The following CNOT2 variants were observed in gnomAD, a reference collection of about 807,000 sequenced individuals.
The protein encoded by CNOT2 is CC chemokine receptor 4-negative regulator of transcription 2.
Under a neutral mutation model 72.1 loss-of-function variants are expected in CNOT2, and 7 were observed. The observed-to-expected ratio is 0.10, with a 90% CI of 0.06 to 0.18. The LOEUF (loss-of-function observed/expected upper bound fraction) is 0.18. Ranked by LOEUF, CNOT2 falls within the 10% of genes least tolerant of loss-of-function variation. CNOT2 has a pLI of 1.00. For missense variants in CNOT2, 345 were observed against 660.3 expected (o/e 0.52, Z 5.23); for synonymous variants, 196 against 225.6 (o/e 0.87, Z 1.17).
Position 70,310,914 on chromosome 12 carries a change from G to C in CNOT2, c.68G>C (p.Gly23Ala), listed in dbSNP as rs1431971865. ...RNYQVTNSMFGASRKKFVEGV... is the reference protein window; with the variant it reads ...RNYQVTNSMFAASRKKFVEGV... Reference sequence around the variant, plus strand: ...GTTTAGGTGACAAACAGCATGTTTGGTGCTTCAAGAAAGAAGTTTGTAGAG... The same window carrying C: ...GTTTAGGTGACAAACAGCATGTTTGCTGCTTCAAGAAAGAAGTTTGTAGAG... Residue 23 changes from glycine to alanine, a missense_variant, in exon 3 of 16, where the codon GGT becomes GCT. Around this residue, in one of 4 missense-constraint regions of CNOT2, gnomAD observed 157 missense variants for 235.3 expected, o/e 0.67. Transcript: ENST00000229195. 1 of 1,611,568 alleles carries C rather than the reference G, an allele frequency of 6.2e-7. No individual in the cohort carries two copies. Among genetic ancestry groups the C allele is most frequent in the Non-Finnish European group, 8.5e-7 (1 of 1,178,374 alleles).
At chr12:70,268,875 T>C (rs76023629) in intron 1 of CNOT2, among the ~76,000 whole-genome samples, 3,732 of 152,268 alleles carry the variant, frequency 0.025, 159 homozygotes, top group African/African-American at 0.085. Flanking sequence ...TTGGAATGTT[T>C]ATACATGTCC....
intron 1 of CNOT2, among the ~76,000 whole-genome samples, chr12:70,276,554 T>C (rs1868843529): frequency 6.6e-6 from 1 of 151,978 alleles, no homozygotes; most frequent in Non-Finnish European, 1.5e-5. Context: ...CTTGCTTTCT[T>C]TTTGTGACAA....
intron 3 of CNOT2, among the ~76,000 whole-genome samples, chr12:70,313,421 G>A (rs1183656745): frequency 2.6e-5 from 4 of 151,724 alleles, no homozygotes; most frequent in South Asian, 2.1e-4. Flanking sequence ...TTCTGTTTTC[G>A]AGATCATACT....
At chr12:70,254,319 G>A (rs1322851786) in intron 1 of CNOT2, among the ~76,000 whole-genome samples, 1 of 151,736 alleles carries the variant, frequency 6.6e-6, no homozygotes, top group Non-Finnish European at 1.5e-5. Context: ...CTCTTGTACT[G>A]TACTTCTTGT....
chr12:70,328,173 T>C (rs1352679851), intron 4 of CNOT2, among the ~76,000 whole-genome samples: 5 of 151,918 alleles, frequency 3.3e-5, no homozygotes. Flanking sequence ...ATTGATTGGA[T>C]TAAAATTCAT....
intron 2 of CNOT2, among the ~76,000 whole-genome samples, chr12:70,286,155 C>A (rs78690506): frequency 0.21 from 28,565 of 139,044 alleles, 4,398 homozygotes; most frequent in Admixed American, 0.31. Flanking sequence ...AACTTTATGA[C>A]GTTAGAGAAG....
intron 8 of CNOT2, chr12:70,337,150 G>A (rs1296185252): frequency 2.8e-5 from 8 of 287,852 alleles, no homozygotes; most frequent in East Asian, 1.8e-4. Flanking sequence ...AAGCACCTAC[G>A]CATGACATGG....
At chr12:70,273,515 A>G (rs1035330873) in intron 1 of CNOT2, among the ~76,000 whole-genome samples, 4 of 152,134 alleles carry the variant, frequency 2.6e-5, no homozygotes, top group African/African-American at 9.7e-5. Context: ...CACAGAAGCT[A>G]AGCAACTTGT....
At chr12:70,332,658 G>A (rs950211886) in intron 6 of CNOT2, 109 bp from the exon 7 acceptor site, 2 of 1,328,654 alleles carry the variant, frequency 1.5e-6, no homozygotes, top group Non-Finnish European at 1.9e-6. Context: ...TGTTGGTTTT[G>A]AAACATATTG....
At chr12:70,313,955 A>T (rs905193200) in intron 3 of CNOT2, among the ~76,000 whole-genome samples, 1 of 152,132 alleles carries the variant, frequency 6.6e-6, no homozygotes, top group Non-Finnish European at 1.5e-5. Context: ...ACTACAACAT[A>T]ATTGAATTGC....
At chr12:70,294,054 T>G (rs1218619424) in intron 2 of CNOT2, 1 of 1,178,080 alleles carries the variant, frequency 8.5e-7, no homozygotes, top group Admixed American at 2.3e-5. Flanking sequence ...ATAGCATGAT[T>G]TCCTTATTTT....
At chr12:70,322,939 G>A (rs1454882777) in intron 4 of CNOT2, 1 of 151,680 alleles carries the variant, frequency 6.6e-6, no homozygotes, top group African/African-American at 2.4e-5. Context: ...TATAGTTGGG[G>A]AAGATAGGAC....
intron 14 of CNOT2, 169 bp from the exon 15 acceptor site, chr12:70,346,011 T>C (rs1882119210): frequency 1.9e-6 from 1 of 521,898 alleles, no homozygotes; most frequent in Non-Finnish European, 3.3e-6. Context: ...TTTTTCTATA[T>C]TTCAATGCGG....
At chr12:70,325,029 G>A (rs1421383914) in intron 4 of CNOT2, among the ~76,000 whole-genome samples, 2 of 151,742 alleles carry the variant, frequency 1.3e-5, no homozygotes, top group East Asian at 1.9e-4. Flanking sequence ...AGTCAAGCAC[G>A]CTATGTCTAC....
chr12:70,346,468 G>C (rs911972022), intron 15 of CNOT2, 144 bp downstream of exon 15: 1 of 608,254 alleles, frequency 1.6e-6, no homozygotes, highest in Non-Finnish European at 2.8e-6. Flanking sequence ...TCCTTGGCTT[G>C]ACACTCTTAG....
intron 4 of CNOT2, among the ~76,000 whole-genome samples, chr12:70,326,476 T>C (rs1879099406): frequency 6.6e-6 from 1 of 151,476 alleles, no homozygotes; most frequent in Non-Finnish European, 1.5e-5. Context: ...TTTTTTCAGC[T>C]GTATGTCCTA....
chr12:70,251,351 G>A (rs1181091367), intron 1 of CNOT2, among the ~76,000 whole-genome samples: 4 of 152,132 alleles, frequency 2.6e-5, no homozygotes, highest in Admixed American at 2.0e-4. Flanking sequence ...ACTAGGTGGG[G>A]GAGGGTAGGG....
intron 2 of CNOT2, chr12:70,294,341 A>G (rs1256827514): frequency 1.6e-6 from 2 of 1,259,628 alleles, no homozygotes; most frequent in East Asian, 5.6e-5. Flanking sequence ...TACTGTCATC[A>G]GTATTTTGAG....
intron 3 of CNOT2, among the ~76,000 whole-genome samples, chr12:70,312,769 T>TA (rs2135961882): frequency 6.6e-6 from 1 of 152,114 alleles, no homozygotes; most frequent in East Asian, 1.9e-4. Flanking sequence ...TCCTTTTCTG[T>TA]AAAAATAGGA....
Sources: allele counts gnomAD v4.1 joint callset (sites outside exome capture counted in the v4.1 genomes callset), GRCh38; gene constraint gnomAD v4.1.1; regional missense constraint gnomAD v4.1.1; transcripts MANE v1.5; gene names NCBI Gene and HGNC (gene_info 2026-07-23, HGNC 2026-07-21).